The following CASR variants were observed in gnomAD, a reference collection of about 807,000 sequenced individuals.
CASR encodes the protein calcium sensing receptor.
In CASR, 23 loss-of-function variants were observed where a neutral mutation model predicts 69.1. The ratio of observed to expected loss-of-function variants is 0.33; its 90% confidence interval spans 0.24 to 0.47. The LOEUF is 0.47. CASR is among the 20% of genes least tolerant of loss of function. The probability of loss-of-function intolerance (pLI) is 1.00; values close to 1 mark genes in which losing one functional copy is unlikely to be tolerated. For synonymous variants in CASR, 541 were observed against 544.7 expected, an observed-to-expected ratio of 0.99 and a Z score of 0.10; for missense variants, 924 against 1,356.1, an observed-to-expected ratio of 0.68 and a Z score of 5.00.
intron 1 of CASR, among the ~76,000 whole-genome samples, chr3:122,192,599 A>G (rs2073849837): frequency 6.6e-6 from 1 of 152,190 alleles, no homozygotes; most frequent in African/African-American, 2.4e-5. Flanking sequence ...AAAAAGACTA[A>G]TTTTGAAGTC....
In CASR at chr3:122,288,734, C is replaced by T. The variant is rs1044726971; in HGVS notation, c.*3543C>T. On this transcript the variant is annotated 3_prime_UTR_variant, in exon 7 of 7. Transcript: ENST00000639785. Reference sequence around the variant, plus strand: ...GGTAGCTTCAACAAACTAGTGTTTGCTTTTCTCTTGAATAAAGGAAGTCAG... The same window carrying T: ...GGTAGCTTCAACAAACTAGTGTTTGTTTTTCTCTTGAATAAAGGAAGTCAG... 1.3e-5 allele frequency: 2 copies of T among 152,108 alleles called. No homozygotes were observed. Among genetic ancestry groups the T allele is most frequent in the African/African-American group, 4.8e-5 (2 of 41,428 alleles). The allele number at this position is 152,108 out of a possible 1,614,324, so 9.4% of individuals were successfully genotyped here. A position where few individuals can be genotyped will look rare whatever the true frequency, so the allele number is the denominator to read the frequency against.
intron 5 of CASR, among the ~76,000 whole-genome samples, chr3:122,280,416 C>T (rs1009775861): frequency 1.3e-5 from 2 of 152,166 alleles, no homozygotes; most frequent in Non-Finnish European, 2.9e-5. Flanking sequence ...AAGCAACCAT[C>T]ATTCTTTAAT....
At chr3:122,260,674 G>T (rs1461969774) in intron 3 of CASR, among the ~76,000 whole-genome samples, 1 of 128,240 alleles carries the variant, frequency 7.8e-6, no homozygotes, top group Admixed American at 8.6e-5. Context: ...AAGTACCCTA[G>T]AACTTAAAGT....
chr3:122,242,760 C>A (rs72969352), intron 1 of CASR, among the ~76,000 whole-genome samples: 3,112 of 152,140 alleles, frequency 0.02, 97 homozygotes, highest in African/African-American at 0.072. Flanking sequence ...ATCACATTAT[C>A]GACTTTCATA....
intron 1 of CASR, among the ~76,000 whole-genome samples, chr3:122,214,574 A>G (rs546577340): frequency 1.0e-3 from 157 of 152,300 alleles, no homozygotes; most frequent in African/African-American, 3.7e-3. Flanking sequence ...CCACATTCTG[A>G]ACATATCTAA....
intron 1 of CASR, among the ~76,000 whole-genome samples, chr3:122,218,881 A>G (rs2074144267): frequency 6.6e-6 from 1 of 152,216 alleles, no homozygotes; most frequent in Non-Finnish European, 1.5e-5. Context: ...AATAAGGGAC[A>G]TGTCAGAGAG....
intron 2 of CASR, among the ~76,000 whole-genome samples, 171 bp from the exon 3 acceptor site, chr3:122,256,910 C>G (rs908844514): frequency 1.3e-5 from 2 of 152,198 alleles, no homozygotes; most frequent in African/African-American, 4.8e-5. Context: ...CGTGAGCCAC[C>G]ACGCCCGGCC....
intron 3 of CASR, chr3:122,257,666 C>A: frequency 2.9e-6 from 1 of 343,794 alleles, no homozygotes; most frequent in Non-Finnish European, 5.3e-6. Context: ...ATTTATTTCC[C>A]ACTCTATTCC....
chr3:122,275,994 A>T lies in CASR; in HGVS notation c.1560A>T (p.Arg520Ser), dbSNP rs776904675. 6.2e-7 allele frequency: 1 copy of T among 1,613,736 alleles called. No homozygotes were observed. Among genetic ancestry groups the T allele is most frequent in the Non-Finnish European group, 8.5e-7 (1 of 1,179,806 alleles). Residue 520 changes from arginine to serine, a missense_variant, in exon 5 of 7, where the codon AGA becomes AGT. Around this residue, in one of 8 missense-constraint regions of CASR, gnomAD observed 310 missense variants for 395.7 expected, o/e 0.78. Transcript: ENST00000639785. ...YYNVYAKKGE[R>S]LFINEEKILW... is the part of the protein sequence containing the mutation. ...ACGTCTATGCCAAGAAGGGAGAAAG[A>T]CTCTTCATCAACGAGGAGAAAATCC...
At position 122,284,849 on chromosome 3, in the gene CASR, G is replaced by C; in HGVS notation, c.2895G>C (p.Lys965Asn). ...AGCAGCAGCCCAGATGCAAGCAGAA[G>C]GTCATCTTTGGCAGCGGCACGGTCA... ...RSQQQPRCKQ[K>N]VIFGSGTVTF... Residue 965 changes from lysine (K) to asparagine (N), a missense_variant, in exon 7 of 7, where the codon AAG becomes AAC. Lys to Asn is a moderately conservative substitution (Grantham distance 94, BLOSUM62 0). Around this residue, in one of 8 missense-constraint regions of CASR, gnomAD observed 201 missense variants for 228.8 expected, o/e 0.88. Coordinates refer to ENST00000639785, the MANE Select transcript of CASR (RefSeq NM_000388.4). 6.2e-7 allele frequency: 1 copy of C among 1,614,184 alleles called. No individual in the cohort carries two copies. The highest frequency in any genetic ancestry group is 1.1e-5 in the South Asian group (1 of 91,086).
chr3:122,206,542 T>C (rs1444809566), intron 1 of CASR, among the ~76,000 whole-genome samples: 1 of 152,100 alleles, frequency 6.6e-6, no homozygotes, highest in Non-Finnish European at 1.5e-5. Context: ...GTTTTCTTTT[T>C]TTGCTGTGTC....
At position 122,288,800 on chromosome 3, in the gene CASR, AT is replaced by A. The variant is rs1559972008; in HGVS notation, c.*3612del. On this transcript the variant is annotated 3_prime_UTR_variant, in exon 7 of 7. Transcript: ENST00000639785. ...TCACCTTTTAATTACTTTTTAAAAT[AT>A]TTCTTAGGTTTTGTTAACAATGGGA... 6.6e-6 allele frequency: 1 copy of A among 152,126 alleles called. No homozygotes were observed. The highest frequency in any genetic ancestry group is 1.5e-5 in the Non-Finnish European group (1 of 68,014). The allele number at this position is 152,126 out of a possible 1,614,324, so 9.4% of individuals were successfully genotyped here.
Position 122,284,402 on chromosome 3 carries a change from C to A in CASR, c.2448C>A (p.Ile816=), listed in dbSNP as rs781343891. The change falls in exon 7 of 7, where the codon ATC becomes ATA. Residue 816 remains isoleucine (I), a synonymous_variant. Transcript: ENST00000639785. ...CCTTCAGCATGCTCATCTTCTTCAT[C>A]GTCTGGATCTCCTTCATTCCAGCCT... The part of the protein sequence containing the change: ...FITFSMLIFF[I]VWISFIPAYA... The A allele has an allele frequency of 2.5e-6, 4 of 1,614,088 alleles. No homozygotes were observed. The highest frequency in any genetic ancestry group is 3.4e-6 in the Non-Finnish European group (4 of 1,180,026).
chr3:122,222,849 T>C (rs1057396573), intron 1 of CASR, among the ~76,000 whole-genome samples: 7 of 133,508 alleles, frequency 5.2e-5, no homozygotes, highest in Non-Finnish European at 1.2e-4. Flanking sequence ...AAAAAAAAAA[T>C]AGAAATCATG....
chr3:122,276,947 G>A lies in CASR; in HGVS notation c.1608+905G>A, dbSNP rs999131825. Among the ~76,000 whole-genome samples the A allele has an allele frequency of 2.0e-5, 3 of 152,078 alleles. No individual in the cohort carries two copies. The East Asian group carries it at 5.8e-4, about 29-fold the overall frequency. ...TGTAAGAACACAGATCCTAGACAGG[G>A]CATCCTCTTAACTCTCCCAGGAAGC... On this transcript the variant is annotated intron_variant, in intron 5 of 6. Transcript: ENST00000639785.
intron 1 of CASR, among the ~76,000 whole-genome samples, chr3:122,242,191 C>A (rs2074384865): frequency 2.0e-5 from 3 of 151,934 alleles, no homozygotes; most frequent in Non-Finnish European, 4.4e-5. Context: ...AGCAATCAGA[C>A]AAGAGAAAGA....
At chr3:122,260,926 A>G (rs2074613619) in intron 3 of CASR, among the ~76,000 whole-genome samples, 1 of 152,088 alleles carries the variant, frequency 6.6e-6, no homozygotes, top group Non-Finnish European at 1.5e-5. Context: ...GAGAGGGAGG[A>G]GGAGGAATAA....
chr3:122,266,488 G>A (rs187546647), intron 4 of CASR, among the ~76,000 whole-genome samples: 24 of 151,658 alleles, frequency 1.6e-4, no homozygotes, highest in Admixed American at 2.6e-4. Flanking sequence ...GGAATGCAGC[G>A]GCCCGATCTT....
intron 1 of CASR, among the ~76,000 whole-genome samples, chr3:122,244,540 A>G (rs1489163287): frequency 1.3e-5 from 2 of 152,198 alleles, no homozygotes; most frequent in Non-Finnish European, 2.9e-5. Context: ...CTACTTATAT[A>G]AAGTTCAAAA....
Sources: gnomAD v4.1 joint callset for allele counts (sites outside exome capture counted in the v4.1 genomes callset) on GRCh38, gnomAD v4.1.1 for gene constraint, gnomAD v4.1.1 regional missense constraint, MANE v1.5 for transcripts, NCBI Gene and HGNC (gene_info 2026-07-23, HGNC 2026-07-21) for gene names.